The following LRRC37A2 variants were observed in gnomAD, a reference collection of about 807,000 sequenced individuals.
LRRC37A2 encodes the protein leucine-rich repeat-containing protein 37A2.
Under a neutral mutation model 68.8 loss-of-function variants are expected in LRRC37A2, and 9 were observed. The ratio of observed to expected loss-of-function variants is 0.13; its 90% CI spans 0.08 to 0.23. The LOEUF (loss-of-function observed/expected upper bound fraction) is 0.23. Among genes scored for constraint, LRRC37A2 ranks in the 10% least tolerant of loss-of-function variants. LRRC37A2 has a pLI of 1.00. For synonymous variants in LRRC37A2, 63 were observed against 367.6 expected, an observed-to-expected ratio of 0.17 and a Z score of 9.48; for missense variants, 168 against 950.4, an observed-to-expected ratio of 0.18 and a Z score of 10.82.
chr17:46,626,135 G>T, the LRRC37A2 span, among the ~76,000 whole-genome samples: 1 of 131,968 alleles, frequency 7.6e-6, no homozygotes, highest in Admixed American at 7.9e-5. Flanking sequence ...TTTGTAGGTT[G>T]TTTTTGTTTT....
At chr17:46,896,406 G>GAAAGAA in the LRRC37A2 span, among the ~76,000 whole-genome samples, 2 of 70,666 alleles carry the variant, frequency 2.8e-5, no homozygotes, top group Admixed American at 1.5e-4. Context: ...AAGAAAGAAA[G>GAAAGAA]AAAGAAAGAA....
the LRRC37A2 span, among the ~76,000 whole-genome samples, chr17:46,942,245 G>A: frequency 6.6e-6 from 1 of 152,192 alleles, no homozygotes; most frequent in African/African-American, 2.4e-5. Flanking sequence ...TCAACCGGGG[G>A]GTGACATTTT....
chr17:46,904,446 CTGGATGGATGGATGGA>C, the LRRC37A2 span, among the ~76,000 whole-genome samples: 23 of 137,084 alleles, frequency 1.7e-4, no homozygotes, highest in Middle Eastern at 3.7e-3. Flanking sequence ...GGCTGGCTGA[CTGGATGGATGGATGGA>C]TGGATGGATG....
the LRRC37A2 span, among the ~76,000 whole-genome samples, chr17:46,730,558 C>T: frequency 6.6e-6 from 1 of 152,106 alleles, no homozygotes; most frequent in African/African-American, 2.4e-5. Context: ...TGTTGTAAAA[C>T]TTATTGTAAG....
At chr17:47,009,222 A>G in the LRRC37A2 span, among the ~76,000 whole-genome samples, 7 of 152,260 alleles carry the variant, frequency 4.6e-5, no homozygotes, top group Non-Finnish European at 7.4e-5. Flanking sequence ...ACATCTAAAA[A>G]ATTTTATCCT....
the LRRC37A2 span, among the ~76,000 whole-genome samples, chr17:46,957,759 T>C: frequency 6.6e-6 from 1 of 152,144 alleles, no homozygotes; most frequent in African/African-American, 2.4e-5. Context: ...TTTGAACCTG[T>C]ATTTGGTAGA....
chr17:46,961,900 G>GTAAT, the LRRC37A2 span, among the ~76,000 whole-genome samples: 1 of 152,192 alleles, frequency 6.6e-6, no homozygotes, highest in Non-Finnish European at 1.5e-5. Flanking sequence ...TACCCTAGGG[G>GTAAT]ATTATAGTTA....
chr17:46,783,878 C>T, the LRRC37A2 span, among the ~76,000 whole-genome samples: 2 of 152,226 alleles, frequency 1.3e-5, no homozygotes, highest in Non-Finnish European at 1.5e-5. Context: ...AGACATTATT[C>T]GGACAAACTA....
exon 10 of LRRC37A2, chr17:46,549,057 C>T (rs928538810): frequency 6.2e-7 from 1 of 1,612,026 alleles, no homozygotes; most frequent in Non-Finnish European, 8.5e-7. Flanking sequence ...AAAAATACCG[C>T]TTTCACAAAA....
At chr17:46,869,253 A>G in the LRRC37A2 span, among the ~76,000 whole-genome samples, 1 of 152,166 alleles carries the variant, frequency 6.6e-6, no homozygotes, top group Non-Finnish European at 1.5e-5. Flanking sequence ...TGAGCCATCA[A>G]TCTCAGGGTC....
the LRRC37A2 span, among the ~76,000 whole-genome samples, chr17:47,020,805 A>AAAAAAAAAAAAAAAAAAG: frequency 1.5e-5 from 2 of 136,526 alleles, no homozygotes; most frequent in African/African-American, 5.2e-5. Flanking sequence ...AAAAAAAAAA[A>AAAAAAAAAAAAAAAAAAG]ATAGGAGGGA....
the LRRC37A2 span, among the ~76,000 whole-genome samples, chr17:46,388,114 TAA>T: frequency 6.3e-4 from 1 of 1,580 alleles, no homozygotes. Context: ...TCCTGAAGGC[TAA>T]AAAAAAAAAA....
the LRRC37A2 span, among the ~76,000 whole-genome samples, chr17:46,781,326 CG>C: frequency 6.6e-6 from 1 of 151,108 alleles, no homozygotes; most frequent in African/African-American, 2.4e-5. Flanking sequence ...AAGCCAGACA[CG>C]GAAGAACAAA....
At chr17:46,461,803 T>C in the LRRC37A2 span, among the ~76,000 whole-genome samples, 27 of 56,640 alleles carry the variant, frequency 4.8e-4, no homozygotes, top group Non-Finnish European at 1.0e-3. Context: ...GAGACCAGCC[T>C]GGTCAACATG....
chr17:46,634,004 G>T, the LRRC37A2 span, among the ~76,000 whole-genome samples: 1 of 14,422 alleles, frequency 6.9e-5, no homozygotes, highest in African/African-American at 7.0e-4. Context: ...CTGAGTAGCT[G>T]GGATTACAGG....
At chr17:46,921,964 C>G in the LRRC37A2 span, among the ~76,000 whole-genome samples, 2 of 152,160 alleles carry the variant, frequency 1.3e-5, no homozygotes, top group Non-Finnish European at 2.9e-5. Flanking sequence ...ACCATTTGAC[C>G]CAGCCATCCC....
chr17:46,522,591 C>T (rs1306959866), intron 4 of LRRC37A2, among the ~76,000 whole-genome samples: 2 of 65,522 alleles, frequency 3.1e-5, no homozygotes, highest in Admixed American at 1.4e-4. Context: ...ACTACAGGCA[C>T]GTGCCACTAG....
the LRRC37A2 span, among the ~76,000 whole-genome samples, chr17:46,805,464 G>A: frequency 6.6e-6 from 1 of 151,798 alleles, no homozygotes; most frequent in African/African-American, 2.4e-5. Flanking sequence ...TCCCAGCTAC[G>A]TGAGAGGCTG....
chr17:46,463,866 CAAA>C, the LRRC37A2 span, among the ~76,000 whole-genome samples: 1 of 87,762 alleles, frequency 1.1e-5, no homozygotes, highest in East Asian at 2.5e-4. Flanking sequence ...ATCCCGTCTT[CAAA>C]AAAAAAAAAA....
Sources: gnomAD v4.1 joint callset for allele counts (sites outside exome capture counted in the v4.1 genomes callset) on GRCh38, gnomAD v4.1.1 for gene constraint, MANE v1.5 for transcripts, NCBI Gene and HGNC (gene_info 2026-07-23, HGNC 2026-07-21) for gene names.